Variants in AVEN observed in about 807,000 individuals in gnomAD.
The protein encoded by AVEN is cell death regulator Aven.
In AVEN, 41 loss-of-function variants were observed where a neutral mutation model predicts 38.1. The observed-to-expected ratio is 1.08, with a 90% CI of 0.84 to 1.40. The LOEUF is 1.40. Among genes scored for constraint, AVEN ranks in the 40% most tolerant of loss-of-function variants. The pLI is 0.00. For missense variants in AVEN, 605 were observed against 438.8 expected (o/e 1.38, Z -3.38); for synonymous variants, 206 against 171.8 (o/e 1.20, Z -1.56).
intron 4 of AVEN, 72 bp downstream of exon 4, chr15:33,870,863 G>T: frequency 9.2e-7 from 1 of 1,082,494 alleles, no homozygotes; most frequent in South Asian, 1.6e-5. Context: ...ACATCCTGCT[G>T]AGGGAAGTGT....
At chr15:34,031,365 G>A (rs1898809005) in intron 1 of AVEN, among the ~76,000 whole-genome samples, 1 of 151,910 alleles carries the variant, frequency 6.6e-6, no homozygotes, top group Non-Finnish European at 1.5e-5. Context: ...AATAGCGACA[G>A]GGTTTCATCA....
intron 11 of AVEN, chr15:33,860,502 T>C: frequency 1.4e-6 from 1 of 702,872 alleles, no homozygotes. Context: ...TTCACTTTTT[T>C]TTTTTAACAG....
In AVEN at chr15:34,063,378, G is replaced by A; in HGVS notation, n.1181C>T. ...CTACTGTCGAATCTACCGGGAAACA[G>A]AGAAGCGAACCAAGGACCTGGCTGA... On this transcript the variant is annotated non_coding_transcript_exon_variant, in exon 5 of 12. Transcript: ENST00000675287. The surrounding 1 kb of genome is among the most constrained non-coding windows in gnomAD (Gnocchi z 4.1). The A allele has an allele frequency of 6.2e-7, 1 of 1,614,114 alleles. No homozygotes were observed. The highest frequency in any genetic ancestry group is 8.5e-7 in the Non-Finnish European group (1 of 1,180,042).
chr15:33,904,716 T>TACACACACACACACACACACACAC (rs371204081), intron 2 of AVEN, among the ~76,000 whole-genome samples: 3 of 143,292 alleles, frequency 2.1e-5, no homozygotes, highest in South Asian at 2.2e-4. Flanking sequence ...TATATATATA[T>TACACACACACACACACACACACAC]ACACACACAC....
intron 2 of AVEN, among the ~76,000 whole-genome samples, chr15:33,977,703 A>G (rs887638094): frequency 6.6e-6 from 1 of 152,172 alleles, no homozygotes; most frequent in African/African-American, 2.4e-5. Flanking sequence ...GTTCTCTATT[A>G]CACTCTAAGT....
intron 1 of AVEN, among the ~76,000 whole-genome samples, chr15:34,015,057 A>T (rs1253782531): frequency 6.6e-6 from 1 of 152,102 alleles, no homozygotes; most frequent in African/African-American, 2.4e-5. Flanking sequence ...TGTCCTTAAC[A>T]GTGTGTCTCC....
chr15:33,958,589 T>TC (rs1895047405), intron 2 of AVEN, among the ~76,000 whole-genome samples: 2 of 111,400 alleles, frequency 1.8e-5, no homozygotes, highest in African/African-American at 4.5e-5. Context: ...AGACCCTATC[T>TC]CAAGAAAAAA....
At chr15:34,016,939 G>A (rs968240693) in intron 1 of AVEN, among the ~76,000 whole-genome samples, 7 of 151,966 alleles carry the variant, frequency 4.6e-5, no homozygotes, top group African/African-American at 1.7e-4. Flanking sequence ...GATCAGCCCG[G>A]ACAACATGGC....
chr15:33,905,055 G>A (rs551524657), intron 2 of AVEN, among the ~76,000 whole-genome samples: 1 of 150,162 alleles, frequency 6.7e-6, no homozygotes, highest in Admixed American at 6.7e-5. Flanking sequence ...ACTTGAACCT[G>A]GGAGGTGGAG....
intron 2 of AVEN, among the ~76,000 whole-genome samples, chr15:33,907,265 G>A (rs1410779262): frequency 6.6e-6 from 1 of 152,106 alleles, no homozygotes; most frequent in Non-Finnish European, 1.5e-5. Flanking sequence ...CTCAAATGAT[G>A]GGACACAGAG....
chr15:34,041,434 A>G (rs932852307), upstream of AVEN, among the ~76,000 whole-genome samples: 1 of 152,214 alleles, frequency 6.6e-6, no homozygotes, highest in African/African-American at 2.4e-5. Flanking sequence ...GTACATCTCC[A>G]ATGTAGTGAG....
At chr15:34,030,503 G>A (rs1450837165) in intron 1 of AVEN, among the ~76,000 whole-genome samples, 2 of 151,812 alleles carry the variant, frequency 1.3e-5, no homozygotes, top group Non-Finnish European at 2.9e-5. Flanking sequence ...CTGCCACCTC[G>A]CCCGGCTAAT....
intron 2 of AVEN, among the ~76,000 whole-genome samples, chr15:33,932,023 T>C (rs1893870627): frequency 6.6e-6 from 1 of 152,194 alleles, no homozygotes; most frequent in Non-Finnish European, 1.5e-5. Flanking sequence ...TTATCCAGCA[T>C]TCTATAAGGC....
intron 2 of AVEN, among the ~76,000 whole-genome samples, chr15:33,924,755 G>A (rs545897077): frequency 1.1e-4 from 16 of 152,300 alleles, no homozygotes; most frequent in Non-Finnish European, 1.8e-4. Context: ...AGCTTTCAGA[G>A]TACCTTCTTG....
At chr15:33,917,429 T>TATATATACACACATATATACACACACAC (rs1893186050) in intron 2 of AVEN, among the ~76,000 whole-genome samples, 1 of 149,596 alleles carries the variant, frequency 6.7e-6, no homozygotes, top group African/African-American at 2.5e-5. Context: ...ACACACACTA[T>TATATATACACACATATATACACACACAC]ATATATACAC....
chr15:34,028,530 C>T (rs375403980), intron 1 of AVEN, among the ~76,000 whole-genome samples: 5 of 152,308 alleles, frequency 3.3e-5, no homozygotes, highest in African/African-American at 1.2e-4. Flanking sequence ...ATGCCATGGG[C>T]ACTCCAGCAT....
downstream of AVEN, chr15:33,857,633 A>T: frequency 1.1e-6 from 1 of 894,698 alleles, no homozygotes; most frequent in Non-Finnish European, 1.7e-6. Flanking sequence ...ATGGCCTGAT[A>T]GCTTTCTTAG....
intron 2 of AVEN, among the ~76,000 whole-genome samples, chr15:33,989,440 G>T (rs1313980342): frequency 3.5e-5 from 5 of 142,370 alleles, no homozygotes; most frequent in Admixed American, 1.4e-4. Flanking sequence ...AGCTGGTTTT[G>T]TTTGGAGTTT....
chr15:33,991,250 T>TAAA (rs1262073581), intron 2 of AVEN: 1 of 152,160 alleles, frequency 6.6e-6, no homozygotes, highest in Non-Finnish European at 1.5e-5. Flanking sequence ...AACCCTGGTA[T>TAAA]AAAAATACAG....
Sources: gnomAD v4.1 joint callset for allele counts (sites outside exome capture counted in the v4.1 genomes callset) on GRCh38, gnomAD v4.1.1 for gene constraint, Gnocchi (gnomAD v3.1) non-coding constraint, MANE v1.5 for transcripts, NCBI Gene and HGNC (gene_info 2026-07-23, HGNC 2026-07-21) for gene names.